COL25A1: variants seen among roughly 807,000 people sequenced by gnomAD.
COL25A1 encodes the protein collagen type XXV alpha 1 chain.
In COL25A1, 103 loss-of-function variants were observed where a neutral mutation model predicts 128.4. That is an observed-to-expected ratio of 0.80 (90% confidence interval 0.68 to 0.94). The LOEUF (loss-of-function observed/expected upper bound fraction) is 0.94, where lower values mean the gene tolerates loss of function less well. Among genes scored for constraint, COL25A1 ranks in the 40% least tolerant of loss-of-function variants. The pLI is 0.00. For missense variants in COL25A1, 745 were observed against 840.0 expected (o/e 0.89, Z 1.40); for synonymous variants, 279 against 277.2 (o/e 1.01, Z -0.06).
chr4:109,006,378 ATTTTTTTTTTTTTTT>A (rs56845799), intron 6 of COL25A1, among the ~76,000 whole-genome samples: 1,435 of 52,032 alleles, frequency 0.028, 54 homozygotes, highest in African/African-American at 0.1. Flanking sequence ...CACCCAGCTA[ATTTTTTTTTTTTTTT>A]TTTTTTTTTT....
At chr4:108,845,383 A>AT in intron 28 of COL25A1, 132 bp from the exon 29 acceptor site, 1 of 698,096 alleles carries the variant, frequency 1.4e-6, no homozygotes, top group South Asian at 1.7e-5. Flanking sequence ...TAAAAGAAGG[A>AT]TTTATCTCCT....
intron 13 of COL25A1, among the ~76,000 whole-genome samples, chr4:108,916,809 A>G (rs1428913685): frequency 6.6e-6 from 1 of 152,206 alleles, no homozygotes; most frequent in Non-Finnish European, 1.5e-5. Flanking sequence ...TACTAAGTGG[A>G]AAATGTAGCT....
intron 5 of COL25A1, among the ~76,000 whole-genome samples, chr4:109,029,387 C>T (rs1220277020): frequency 6.6e-6 from 1 of 152,176 alleles, no homozygotes; most frequent in Admixed American, 6.5e-5. Flanking sequence ...GTCAACAATG[C>T]CCACGTCATT....
At chr4:109,115,727 C>T (rs1767483697) in intron 3 of COL25A1, among the ~76,000 whole-genome samples, 1 of 151,940 alleles carries the variant, frequency 6.6e-6, no homozygotes, top group African/African-American at 2.4e-5. Context: ...GGCCAGTGTA[C>T]AGACAGATGC....
At chr4:108,859,534 G>A (rs1435112895) in intron 24 of COL25A1, 122 bp downstream of exon 24, 2 of 634,210 alleles carry the variant, frequency 3.2e-6, no homozygotes, top group African/African-American at 1.8e-5. Context: ...AGGGAGAAGG[G>A]GTGCCTTGAG....
Position 109,243,242 on chromosome 4 carries a change from T to A in COL25A1, c.367+57341A>T, listed in dbSNP as rs564047390. Among the ~76,000 whole-genome samples, 27 of 152,156 alleles carry A rather than the reference T, an allele frequency of 1.8e-4. 1 individual carries two copies. In the South Asian group the frequency reaches 5.0e-3, roughly 28 times the overall value. On this transcript the variant is annotated intron_variant, in intron 3 of 37. Coordinates refer to ENST00000399132, the MANE Select transcript of COL25A1 (RefSeq NM_198721.4). ...AGTTAAAAAGAGTATAACCTTCAAG[T>A]TGAGTCTTCCTCTCTGTTCGACTCC...
chr4:109,289,627 C>T (rs536378549), intron 3 of COL25A1, among the ~76,000 whole-genome samples: 233 of 152,170 alleles, frequency 1.5e-3, no homozygotes, highest in African/African-American at 5.1e-3. Flanking sequence ...CAGAAGCTGA[C>T]AGTAATCCAG....
intron 8 of COL25A1, among the ~76,000 whole-genome samples, chr4:108,973,102 C>T (rs1289628181): frequency 6.6e-6 from 1 of 152,042 alleles, no homozygotes; most frequent in African/African-American, 2.4e-5. Flanking sequence ...TTTGATATTG[C>T]GTGTAGAAAG....
intron 33 of COL25A1, among the ~76,000 whole-genome samples, chr4:108,826,485 C>A (rs935492463): frequency 6.6e-6 from 1 of 151,966 alleles, no homozygotes; most frequent in African/African-American, 2.4e-5. Flanking sequence ...TTGCAGTGAG[C>A]CAAGATCATG....
chr4:109,060,371 C>T (rs1019395150), intron 3 of COL25A1, among the ~76,000 whole-genome samples: 2 of 152,162 alleles, frequency 1.3e-5, no homozygotes, highest in African/African-American at 4.8e-5. Context: ...TCTCTTCTTA[C>T]AATTCTTCCA....
intron 3 of COL25A1, among the ~76,000 whole-genome samples, chr4:109,074,770 T>C (rs544644000): frequency 2.6e-5 from 4 of 152,286 alleles, no homozygotes; most frequent in South Asian, 4.1e-4. Flanking sequence ...AAGAAAATCA[T>C]AGATGTTTCA....
chr4:109,232,361 C>G (rs906677390), intron 3 of COL25A1, among the ~76,000 whole-genome samples: 1 of 151,896 alleles, frequency 6.6e-6, no homozygotes, highest in East Asian at 1.9e-4. Flanking sequence ...TACAAGATGA[C>G]TTTAGATATT....
chr4:109,026,342 GA>G (rs1165049170), intron 5 of COL25A1, among the ~76,000 whole-genome samples: 2 of 152,122 alleles, frequency 1.3e-5, no homozygotes. Context: ...AGAATTTCAA[GA>G]AGGCAAATTG....
Position 109,223,340 on chromosome 4 carries a change from G to A in COL25A1, c.367+77243C>T, listed in dbSNP as rs559395753. On this transcript the variant is annotated intron_variant, in intron 3 of 37. Coordinates refer to ENST00000399132, the MANE Select transcript of COL25A1 (RefSeq NM_198721.4). The stretch of plus-strand genomic sequence containing the variant: ...TCAATCTTACTGTTGTGTACTCTTA[G>A]AAAGTTGGGATGCATTTTTACATGA... Among the ~76,000 whole-genome samples, 5 of 151,548 alleles carry A rather than the reference G, an allele frequency of 3.3e-5. No individual in the cohort carries two copies. The South Asian group carries it at 6.2e-4, about 19-fold the overall frequency.
At chr4:108,845,052 T>C (rs1428870635) in intron 29 of COL25A1, 137 bp downstream of exon 29, 4 of 774,602 alleles carry the variant, frequency 5.2e-6, no homozygotes, top group East Asian at 2.4e-5. Context: ...GGATGTTTCT[T>C]CTACAGTTTG....
chr4:108,905,089 T>C (rs1036032942), intron 13 of COL25A1, among the ~76,000 whole-genome samples: 2 of 152,154 alleles, frequency 1.3e-5, no homozygotes, highest in African/African-American at 4.8e-5. Flanking sequence ...AGCAGTAATA[T>C]TGTTCATCAT....
intron 3 of COL25A1, among the ~76,000 whole-genome samples, chr4:109,224,557 T>C (rs1778654856): frequency 6.6e-6 from 1 of 152,184 alleles, no homozygotes; most frequent in Non-Finnish European, 1.5e-5. Context: ...AGTCAAAGAA[T>C]GTAAATTACT....
At chr4:108,898,294 T>C (rs1742384603) in intron 15 of COL25A1, among the ~76,000 whole-genome samples, 1 of 152,180 alleles carries the variant, frequency 6.6e-6, no homozygotes. Context: ...CTTTACAATG[T>C]TGAAAAATAC....
chr4:109,143,581 T>C (rs1356719172), intron 3 of COL25A1, among the ~76,000 whole-genome samples: 3 of 152,224 alleles, frequency 2.0e-5, no homozygotes, highest in Non-Finnish European at 4.4e-5. Flanking sequence ...TAGTCCCATA[T>C]TTTTGGAGGC....
Sources: allele counts gnomAD v4.1 joint callset (sites outside exome capture counted in the v4.1 genomes callset), GRCh38; gene constraint gnomAD v4.1.1; transcripts MANE v1.5; gene names NCBI Gene and HGNC (gene_info 2026-07-23, HGNC 2026-07-21).